SCTR: variants seen among roughly 807,000 people sequenced by gnomAD.
SCTR encodes secretin receptor.
SCTR carries 56 observed loss-of-function variants against 60.8 expected under a neutral mutation model. That is an observed-to-expected ratio of 0.92 (90% CI 0.74 to 1.15). The LOEUF (loss-of-function observed/expected upper bound fraction) is 1.15. SCTR is among the 50% of genes most tolerant of loss of function. The pLI is 0.00. For synonymous variants in SCTR, 202 were observed against 217.0 expected, an observed-to-expected ratio of 0.93 and a Z score of 0.61; for missense variants, 562 against 550.4, an observed-to-expected ratio of 1.02 and a Z score of -0.21.
chr2:119,483,297 C>T (rs544061765), intron 2 of SCTR, among the ~76,000 whole-genome samples: 1 of 152,292 alleles, frequency 6.6e-6, no homozygotes, highest in Non-Finnish European at 1.5e-5. Context: ...TGCCCCACGG[C>T]GGAGATGAGG....
chr2:119,440,689 T>G (rs1195010756), intron 12 of SCTR, among the ~76,000 whole-genome samples: 1 of 152,120 alleles, frequency 6.6e-6, no homozygotes, highest in East Asian at 1.9e-4. Context: ...GGTCTGAAGG[T>G]GTGGGTAGGG....
chr2:119,466,536 G>A (rs1211651798), intron 4 of SCTR, among the ~76,000 whole-genome samples: 8 of 152,094 alleles, frequency 5.3e-5, no homozygotes, highest in Non-Finnish European at 7.4e-5. Context: ...AGGATTGCTC[G>A]AGCTCAGGAG....
intron 2 of SCTR, chr2:119,479,386 G>A (rs755576020): frequency 2.8e-5 from 15 of 528,352 alleles, no homozygotes; most frequent in Non-Finnish European, 3.6e-5. Flanking sequence ...GTTTGGGTGG[G>A]CCCAGGCATC....
Position 119,452,062 on chromosome 2 carries a change from G to A in SCTR, c.869C>T (p.Ala290Val), listed in dbSNP as rs1240993836. 1 of 1,606,982 alleles carries A rather than the reference G, an allele frequency of 6.2e-7. No homozygotes were observed. The highest frequency in any genetic ancestry group is 1.7e-5 in the Admixed American group (1 of 59,660). ...LEDVGCWDIN[A>V]NASIWWIIRG... is the part of the protein sequence containing the mutation. Reference sequence around the variant, plus strand: ...AATGATCCACCAGATGGATGCGTTGGCATTGATGTCCCAGCACCTAAGGGA... The same window carrying A: ...AATGATCCACCAGATGGATGCGTTGACATTGATGTCCCAGCACCTAAGGGA... The change falls in exon 9 of 13, where the codon GCC (alanine) becomes GTC (valine). Residue 290 changes from alanine to valine, a missense_variant. Ala to Val is a moderately conservative substitution (Grantham distance 64, BLOSUM62 0). Coordinates refer to ENST00000019103, the MANE Select transcript of SCTR (RefSeq NM_002980.3).
chr2:119,447,792 G>A (rs1236001222), intron 10 of SCTR, among the ~76,000 whole-genome samples: 4 of 152,126 alleles, frequency 2.6e-5, no homozygotes, highest in Admixed American at 6.5e-5. Flanking sequence ...GGCTGGTCTC[G>A]AACTCCTGAC....
chr2:119,466,131 C>G lies in SCTR; in HGVS notation c.406-245G>C, dbSNP rs529347139. On this transcript the variant is annotated intron_variant, in intron 4 of 12. Coordinates refer to ENST00000019103, the MANE Select transcript of SCTR (RefSeq NM_002980.3). The stretch of plus-strand genomic sequence containing the variant: ...AATTGATGCCAATTCAAACTTCCAT[C>G]TTATGTATAGGGCCCCTTACCAACT... 2.5e-3 allele frequency among the ~76,000 whole-genome samples: 382 copies of G among 152,216 alleles called. 2 individuals are homozygous for G. Among genetic ancestry groups the G allele is most frequent in the African/African-American group, 8.4e-3 (348 of 41,534 alleles).
intron 7 of SCTR, among the ~76,000 whole-genome samples, chr2:119,456,733 G>T (rs1386486115): frequency 2.0e-5 from 3 of 152,158 alleles, no homozygotes; most frequent in African/African-American, 7.2e-5. Flanking sequence ...TAGGGTCTTT[G>T]CAGATGTAAT....
chr2:119,504,441 A>C (rs571924378), intron 1 of SCTR, among the ~76,000 whole-genome samples: 1 of 152,116 alleles, frequency 6.6e-6, no homozygotes, highest in African/African-American at 2.4e-5. Flanking sequence ...AAACACAAAA[A>C]TTAGCTGGGC....
chr2:119,461,028 T>C (rs531540997), intron 7 of SCTR, among the ~76,000 whole-genome samples: 12 of 152,296 alleles, frequency 7.9e-5, no homozygotes, highest in South Asian at 2.1e-4. Context: ...GGCCATTCCA[T>C]TGGGAACACC....
At chr2:119,492,466 C>A (rs1678167349) in intron 2 of SCTR, among the ~76,000 whole-genome samples, 1 of 152,220 alleles carries the variant, frequency 6.6e-6, no homozygotes, top group African/African-American at 2.4e-5. Context: ...AAAACTGAGG[C>A]CTTGTTCAAG....
At chr2:119,490,328 C>T (rs1365990143) in intron 2 of SCTR, among the ~76,000 whole-genome samples, 2 of 152,244 alleles carry the variant, frequency 1.3e-5, no homozygotes, top group Non-Finnish European at 2.9e-5. Context: ...GCCTCCGCTG[C>T]TCACAAACCC....
intron 9 of SCTR, among the ~76,000 whole-genome samples, chr2:119,449,444 G>A (rs1683061438): frequency 6.6e-6 from 1 of 152,178 alleles, no homozygotes; most frequent in East Asian, 1.9e-4. Flanking sequence ...ATGATTGGAA[G>A]AGAAAATATC....
chr2:119,446,227 C>T (rs183643002), intron 11 of SCTR, among the ~76,000 whole-genome samples: 223 of 152,238 alleles, frequency 1.5e-3, no homozygotes, highest in Non-Finnish European at 2.3e-3. Context: ...TCCTGACACC[C>T]CACCCTCACT....
At chr2:119,507,772 A>G (rs2579606) in intron 1 of SCTR, among the ~76,000 whole-genome samples, 111,864 of 148,806 alleles carry the variant, frequency 0.75, 42,276 homozygotes, top group East Asian at 0.95. Flanking sequence ...TCTGCCTCCC[A>G]GGTTCAAGCG....
chr2:119,450,483 C>T (rs1683119170), intron 9 of SCTR, among the ~76,000 whole-genome samples: 1 of 151,550 alleles, frequency 6.6e-6, no homozygotes, highest in Admixed American at 6.6e-5. Flanking sequence ...TCAAGGAATT[C>T]CACATGAAAC....
At chr2:119,501,916 CA>C (rs1678566729) in intron 1 of SCTR, among the ~76,000 whole-genome samples, 1 of 152,004 alleles carries the variant, frequency 6.6e-6, no homozygotes, top group African/African-American at 2.4e-5. Flanking sequence ...CACACACAAA[CA>C]AATTGTATTT....
chr2:119,513,680 T>G (rs1679025119), intron 1 of SCTR, among the ~76,000 whole-genome samples: 1 of 152,190 alleles, frequency 6.6e-6, no homozygotes, highest in Admixed American at 6.5e-5. Flanking sequence ...CTTTCTTTTT[T>G]CTTGTTGATC....
At chr2:119,474,361 C>T (rs980245846) in intron 3 of SCTR, among the ~76,000 whole-genome samples, 3 of 152,194 alleles carry the variant, frequency 2.0e-5, no homozygotes, top group Non-Finnish European at 2.9e-5. Context: ...GGAGCTTTTA[C>T]AGCAGGAGCC....
At position 119,446,903 on chromosome 2, in the gene SCTR, C is replaced by CTGTA. The variant is rs748863294; in HGVS notation, c.1014-22_1014-19dup. The CTGTA allele has an allele frequency of 2.7e-6, 4 of 1,468,946 alleles. No individual in the cohort carries two copies. In the Admixed American group the frequency reaches 9.1e-5, roughly 33 times the overall value. The allele number at this position is 1,468,946 out of a possible 1,614,324, so 91.0% of individuals were successfully genotyped here. A position where few individuals can be genotyped will look rare whatever the true frequency, so the allele number is the denominator to read the frequency against. On this transcript the variant is annotated intron_variant, in intron 10 of 12. Transcript: ENST00000019103. ...CCAGGCGCCTGGGGACACAGAAAGC[C>CTGTA]TGTAGCCTCCACTCTGCCTCCCTGC...
Sources: gnomAD v4.1 joint callset for allele counts (sites outside exome capture counted in the v4.1 genomes callset) on GRCh38, gnomAD v4.1.1 for gene constraint, MANE v1.5 for transcripts, NCBI Gene and HGNC (gene_info 2026-07-23, HGNC 2026-07-21) for gene names.